Variants in OARD1 observed in about 807,000 individuals in gnomAD.
OARD1 encodes the protein O-acyl-ADP-ribose deacylase 1.
A neutral mutation model predicts 19.7 loss-of-function variants in OARD1; 19 were observed. The observed-to-expected ratio is 0.96, with a 90% CI of 0.67 to 1.41. The LOEUF (loss-of-function observed/expected upper bound fraction) is 1.41. Ranked by LOEUF, OARD1 falls within the 40% of genes most tolerant of loss-of-function variation. The pLI, the probability that OARD1 is intolerant of heterozygous loss-of-function variation, is 0.00. For synonymous variants in OARD1, 70 were observed against 61.8 expected (o/e 1.13, Z -0.62); for missense variants, 190 against 183.8 (o/e 1.03, Z -0.20).
intron 3 of OARD1, 157 bp downstream of exon 3, chr6:41,070,975 G>A: frequency 1.4e-6 from 1 of 731,402 alleles, no homozygotes; most frequent in Non-Finnish European, 2.3e-6. Flanking sequence ...GTTTTGATAT[G>A]GTAAACGTCT....
chr6:41,071,435 T>C (rs1344314923), intron 2 of OARD1, 159 bp from the exon 3 acceptor site: 1 of 967,392 alleles, frequency 1.0e-6, no homozygotes, highest in East Asian at 2.6e-5. Flanking sequence ...AAAAGGAAAG[T>C]AATGGATGAT....
rs1763055353 is a variant in OARD1, at chr6:41,067,205, AGTCT to A, written c.*126_*129del. The A allele has an allele frequency of 1.9e-6, 1 of 526,188 alleles. No individual in the cohort carries two copies. Among genetic ancestry groups the A allele is most frequent in the Non-Finnish European group, 3.5e-6 (1 of 284,084 alleles). 32.6% of individuals were successfully genotyped at this position (526,188 alleles called of 1,614,324 possible). A position where few individuals can be genotyped will look rare whatever the true frequency, so the allele number is the denominator to read the frequency against. ...CCAAATACTTGAATACAGCAACCAA[AGTCT>A]GTCTTGTTAAACACACTACTTCTCA... On this transcript the variant is annotated 3_prime_UTR_variant, in exon 6 of 6. Coordinates refer to ENST00000424266, the MANE Select transcript of OARD1 (RefSeq NM_001329686.2).
chr6:41,071,030 G>T, intron 3 of OARD1, 102 bp downstream of exon 3: 1 of 1,241,652 alleles, frequency 8.1e-7, no homozygotes, highest in Non-Finnish European at 1.2e-6. Context: ...AAAACATTTG[G>T]TTCTTAGGAA....
At chr6:41,079,798 C>G (rs548296144) in intron 1 of OARD1, among the ~76,000 whole-genome samples, 1 of 152,136 alleles carries the variant, frequency 6.6e-6, no homozygotes. Context: ...TATTATGTTT[C>G]TATTTGACCT....
upstream of OARD1, among the ~76,000 whole-genome samples, chr6:41,076,742 G>A (rs543985398): frequency 6.6e-6 from 1 of 152,298 alleles, no homozygotes; most frequent in South Asian, 2.1e-4. Flanking sequence ...ACTAAATCTG[G>A]CTTAGTTTGT....
At position 41,079,279 on chromosome 6, in the gene OARD1, T is replaced by G. The variant is rs553502770; in HGVS notation, c.-41-7604A>C. On this transcript the variant is annotated intron_variant, in intron 1 of 4. Coordinates refer to the OARD1 transcript ENST00000480585. ...TTGAAAGATACCAGATCTTGTGAGA[T>G]ATTGGGTCTGATGGCTTGTGCTGAA... The G allele has an allele frequency of 7.2e-6, 7 of 975,874 alleles. No individual in the cohort carries two copies. In the East Asian group the frequency reaches 1.5e-4, roughly 20 times the overall value. The allele number at this position is 975,874 out of a possible 1,614,324, so 60.5% of individuals were successfully genotyped here.
intron 1 of OARD1, chr6:41,089,588 G>A (rs1222856695): frequency 6.2e-7 from 1 of 1,607,752 alleles, no homozygotes; most frequent in East Asian, 2.2e-5. Flanking sequence ...GATACAGTTG[G>A]TCCCACCTGG....
intron 1 of OARD1, among the ~76,000 whole-genome samples, chr6:41,088,008 A>G (rs1764091974): frequency 6.6e-6 from 1 of 152,252 alleles, no homozygotes; most frequent in Admixed American, 6.5e-5. Flanking sequence ...TTTGACAAAC[A>G]TTAATGACAG....
Position 41,093,606 on chromosome 6 carries a change from G to C in OARD1, c.-42+4107C>G, listed in dbSNP as rs953729837. On this transcript the variant is annotated intron_variant, in intron 1 of 4. Transcript: ENST00000480585. ...CTGCCTCAGCCTCCTGAGTAGCTGG[G>C]ATTACAGGTGTGCGCCACCACGCCC... Among the ~76,000 whole-genome samples, 8 of 152,120 alleles carry C rather than the reference G, an allele frequency of 5.3e-5. 1 individual carries two copies. The East Asian group carries it at 1.2e-3, about 22-fold the overall frequency.
At chr6:41,070,187 C>T (rs1763258062) in intron 3 of OARD1, 53 bp from the exon 4 acceptor site, 1 of 954,788 alleles carries the variant, frequency 1.0e-6, no homozygotes, top group Non-Finnish European at 1.7e-6. Flanking sequence ...AAACACTGAT[C>T]TCTAAAGATT....
At chr6:41,093,088 A>G (rs770063821) in intron 1 of OARD1, 1 of 1,613,500 alleles carries the variant, frequency 6.2e-7, no homozygotes, top group Non-Finnish European at 8.5e-7. Flanking sequence ...AGAGAAGGGT[A>G]TGTATAACAT....
chr6:41,097,240 G>C, intron 1 of OARD1: 1 of 879,404 alleles, frequency 1.1e-6, no homozygotes. Flanking sequence ...TGTATTACAA[G>C]CCTTTGATTT....
At chr6:41,069,068 T>A (rs564956428) in intron 4 of OARD1, 115 bp from the exon 5 acceptor site, 5 of 587,052 alleles carry the variant, frequency 8.5e-6, no homozygotes, top group Middle Eastern at 4.5e-4. Context: ...ATAGAATTAG[T>A]CTAGAGCAAG....
At chr6:41,077,784 C>T (rs1346783851) in intron 1 of OARD1, among the ~76,000 whole-genome samples, 2 of 152,148 alleles carry the variant, frequency 1.3e-5, no homozygotes, top group Non-Finnish European at 2.9e-5. Context: ...AGAAATTTAC[C>T]TAGCGAGCAT....
At chr6:41,091,046 A>G (rs1582034136) in intron 1 of OARD1, among the ~76,000 whole-genome samples, 2 of 152,268 alleles carry the variant, frequency 1.3e-5, no homozygotes, top group East Asian at 3.8e-4. Flanking sequence ...GAGCTCAAAC[A>G]GAATGGTGAA....
intron 1 of OARD1, among the ~76,000 whole-genome samples, chr6:41,095,679 C>T (rs150200262): frequency 2.6e-5 from 4 of 152,296 alleles, no homozygotes; most frequent in African/African-American, 7.2e-5. Context: ...GATCCTCTCG[C>T]CTTGGCCTCC....
At chr6:41,086,174 G>A (rs566217899) in intron 1 of OARD1, among the ~76,000 whole-genome samples, 4 of 151,494 alleles carry the variant, frequency 2.6e-5, no homozygotes, top group Admixed American at 2.6e-4. Flanking sequence ...ATGTGGTATA[G>A]TTAGGAACAG....
At chr6:41,085,752 A>ATT (rs3840128) in intron 1 of OARD1, among the ~76,000 whole-genome samples, 3 of 146,228 alleles carry the variant, frequency 2.1e-5, no homozygotes, top group Non-Finnish European at 3.0e-5. Flanking sequence ...TTGTGTTTTC[A>ATT]TTTTTTTTTT....
At chr6:41,073,515 C>T (rs959020052), upstream of OARD1, among the ~76,000 whole-genome samples, 1 of 152,084 alleles carries the variant, frequency 6.6e-6, no homozygotes, top group Admixed American at 6.5e-5. Context: ...TGCCCTTGCA[C>T]TCTCCACTCT....
Sources: gnomAD v4.1 joint callset for allele counts (sites outside exome capture counted in the v4.1 genomes callset) on GRCh38, gnomAD v4.1.1 for gene constraint, MANE v1.5 for transcripts, NCBI Gene and HGNC (gene_info 2026-07-23, HGNC 2026-07-21) for gene names.